Variants in RARS2 observed in about 807,000 individuals in gnomAD.
RARS2 encodes probable arginine--tRNA ligase, mitochondrial.
A neutral mutation model predicts 88.5 loss-of-function variants in RARS2; 67 were observed. The observed-to-expected ratio is 0.76, with a 90% confidence interval of 0.62 to 0.93. The LOEUF (loss-of-function observed/expected upper bound fraction) is 0.93. Ranked by LOEUF, RARS2 falls within the 40% of genes least tolerant of loss-of-function variation. The probability of loss-of-function intolerance (pLI) is 0.00; values close to 1 mark genes in which losing one functional copy is unlikely to be tolerated. For synonymous variants in RARS2, 239 were observed against 230.3 expected (o/e 1.04, Z -0.34); for missense variants, 664 against 684.2 (o/e 0.97, Z 0.33).
At chr6:87,551,843 T>G (rs1415668574) in intron 5 of RARS2, among the ~76,000 whole-genome samples, 1 of 151,894 alleles carries the variant, frequency 6.6e-6, no homozygotes, top group African/African-American at 2.4e-5. Flanking sequence ...AAAATCATGT[T>G]GAGAAAAGAA....
chr6:87,584,698 C>T (rs1029442208), intron 1 of RARS2: 2 of 468,582 alleles, frequency 4.3e-6, no homozygotes, highest in African/African-American at 3.9e-5. Flanking sequence ...AAGAAAGCAG[C>T]TGACAAACCC....
In RARS2 at chr6:87,579,135, A is replaced by C. The variant is rs1772572532; in HGVS notation, c.37-9545T>G. On this transcript the variant is annotated intron_variant, in intron 1 of 19. Transcript: ENST00000369536. ...ACAGACGAGGTGAAGAAAACTTAAA[A>C]ATCTATCAGAGGAGAAGCTGGATTT... Among the ~76,000 whole-genome samples, 3 of 152,082 alleles carry C rather than the reference A, an allele frequency of 2.0e-5. No individual in the cohort carries two copies. The South Asian group carries it at 6.2e-4, about 31-fold the overall frequency.
At chr6:87,539,190 G>C (rs1780134332) in intron 8 of RARS2, among the ~76,000 whole-genome samples, 1 of 152,140 alleles carries the variant, frequency 6.6e-6, no homozygotes, top group African/African-American at 2.4e-5. Context: ...ATGTCATGCT[G>C]CACTCTAAAT....
intron 9 of RARS2, 63 bp downstream of exon 9, chr6:87,530,721 T>A: frequency 6.4e-7 from 1 of 1,567,540 alleles, no homozygotes; most frequent in Non-Finnish European, 8.8e-7. Context: ...AACTTTACTA[T>A]GCAGGTAACA....
At chr6:87,527,699 A>G (rs776581724) in intron 10 of RARS2, among the ~76,000 whole-genome samples, 2 of 152,148 alleles carry the variant, frequency 1.3e-5, no homozygotes, top group Non-Finnish European at 1.5e-5. Flanking sequence ...ACTCAACTCA[A>G]TGGAAAAACA....
intron 14 of RARS2, chr6:87,519,177 A>AAT (rs985822962): frequency 1.9e-5 from 4 of 208,328 alleles, no homozygotes; most frequent in South Asian, 4.6e-5. Context: ...TATATATATA[A>AAT]ATATATATGT....
chr6:87,560,014 C>T (rs1292976833), intron 4 of RARS2, among the ~76,000 whole-genome samples: 6 of 152,166 alleles, frequency 3.9e-5, no homozygotes, highest in East Asian at 1.9e-4. Flanking sequence ...TCCGTGTAGT[C>T]GGTTTTATCA....
In RARS2 at chr6:87,551,293, T is replaced by C. The variant is rs541069153; in HGVS notation, c.396-2647A>G. The stretch of plus-strand genomic sequence containing the variant: ...TTACTGGGACTTTTGTTAAATTACT[T>C]CATGTAATTTCCTTAATTTTTGTTA... On this transcript the variant is annotated intron_variant, in intron 5 of 19. Coordinates refer to ENST00000369536, the MANE Select transcript of RARS2 (RefSeq NM_020320.5). Among the ~76,000 whole-genome samples, 3 of 152,244 alleles carry C rather than the reference T, an allele frequency of 2.0e-5. No homozygotes were observed. In the South Asian group the frequency reaches 6.2e-4, roughly 32 times the overall value.
intron 8 of RARS2, among the ~76,000 whole-genome samples, chr6:87,541,419 C>T (rs1200479393): frequency 6.6e-6 from 1 of 152,216 alleles, no homozygotes; most frequent in Non-Finnish European, 1.5e-5. Flanking sequence ...TCAAGCAATC[C>T]TCCTGCCTTG....
At chr6:87,525,835 C>T (rs963032343) in intron 10 of RARS2, among the ~76,000 whole-genome samples, 8 of 151,816 alleles carry the variant, frequency 5.3e-5, no homozygotes, top group South Asian at 2.1e-4. Flanking sequence ...CGTGAGCCAC[C>T]GCGCCCAGCC....
intron 19 of RARS2, among the ~76,000 whole-genome samples, 154 bp downstream of exon 19, chr6:87,514,803 T>C (rs950018454): frequency 3.3e-5 from 5 of 152,244 alleles, no homozygotes; most frequent in Non-Finnish European, 5.9e-5. Flanking sequence ...GGGAAGTATA[T>C]ACACATTGAT....
chr6:87,515,868 G>C (rs35237504), intron 18 of RARS2: 9,300 of 150,974 alleles, frequency 0.062, 339 homozygotes, highest in African/African-American at 0.11. Flanking sequence ...TGAGGCAGGA[G>C]AATCGCTTGA....
intron 1 of RARS2, among the ~76,000 whole-genome samples, chr6:87,588,669 A>AG (rs1775944194): frequency 6.6e-6 from 1 of 152,224 alleles, no homozygotes; most frequent in Admixed American, 6.5e-5. Context: ...ACCACATGCC[A>AG]GGCCTATTAG....
At chr6:87,552,776 AG>A (rs1432130960) in intron 5 of RARS2, among the ~76,000 whole-genome samples, 1 of 152,146 alleles carries the variant, frequency 6.6e-6, no homozygotes, top group Non-Finnish European at 1.5e-5. Context: ...ATGCAAAAGA[AG>A]GTAAGTAATG....
At chr6:87,517,237 C>G (rs1772075016) in intron 17 of RARS2, among the ~76,000 whole-genome samples, 1 of 152,094 alleles carries the variant, frequency 6.6e-6, no homozygotes, top group South Asian at 2.1e-4. Flanking sequence ...GAGATCCAGC[C>G]ACTGTACTCT....
At chr6:87,531,423 G>A (rs956610968) in intron 8 of RARS2, among the ~76,000 whole-genome samples, 1 of 152,136 alleles carries the variant, frequency 6.6e-6, no homozygotes, top group African/African-American at 2.4e-5. Context: ...AGGATGGCTC[G>A]ATCTGGCAAA....
At chr6:87,514,744 T>G (rs1219633372) in intron 19 of RARS2, among the ~76,000 whole-genome samples, 1 of 152,206 alleles carries the variant, frequency 6.6e-6, no homozygotes. Flanking sequence ...GGGGAACTTA[T>G]CACTGTAATA....
intron 12 of RARS2, among the ~76,000 whole-genome samples, chr6:87,521,190 A>C (rs550437405): frequency 6.6e-6 from 1 of 152,354 alleles, no homozygotes; most frequent in South Asian, 2.1e-4. Flanking sequence ...GAATTGAAAA[A>C]TAAAAAACAA....
chr6:87,544,967 T>C (rs1782157443), intron 7 of RARS2, among the ~76,000 whole-genome samples: 1 of 152,170 alleles, frequency 6.6e-6, no homozygotes, highest in African/African-American at 2.4e-5. Context: ...GATTGAAAAA[T>C]GGCAGGGCTG....
Sources: gnomAD v4.1 joint callset for allele counts (sites outside exome capture counted in the v4.1 genomes callset) on GRCh38, gnomAD v4.1.1 for gene constraint, MANE v1.5 for transcripts, NCBI Gene and HGNC (gene_info 2026-07-23, HGNC 2026-07-21) for gene names.